Variants in BUD23 observed in about 807,000 individuals in gnomAD.
BUD23 encodes 18S rRNA (guanine-N(7))-methyltransferase.
BUD23 carries 34 observed loss-of-function variants against 47.0 expected under a neutral mutation model. That is an observed-to-expected ratio of 0.72 (90% confidence interval 0.55 to 0.96). The LOEUF (loss-of-function observed/expected upper bound fraction) is 0.96. BUD23 is among the 40% of genes least tolerant of loss of function. The pLI is 0.00. For synonymous variants in BUD23, 124 were observed against 132.0 expected, an observed-to-expected ratio of 0.94 and a Z score of 0.41; for missense variants, 343 against 361.2, an observed-to-expected ratio of 0.95 and a Z score of 0.41.
chr7:73,697,251 C>G, intron 10 of BUD23: 1 of 591,540 alleles, frequency 1.7e-6, no homozygotes, highest in Non-Finnish European at 3.0e-6. Flanking sequence ...CGACTGTGCT[C>G]TTGAAGTCTA....
chr7:73,692,933 G>GGC, intron 7 of BUD23: 1 of 549,916 alleles, frequency 1.8e-6, no homozygotes, highest in East Asian at 2.9e-5. Context: ...AGGGTGAGAG[G>GGC]GCACCGACAG....
chr7:73,690,071 C>T (rs1798132542), intron 5 of BUD23, among the ~76,000 whole-genome samples: 1 of 152,038 alleles, frequency 6.6e-6, no homozygotes. Flanking sequence ...TACAGTGGCA[C>T]AAGGCTTACT....
chr7:73,694,237 T>G, intron 10 of BUD23, 187 bp downstream of exon 10: 1 of 597,246 alleles, frequency 1.7e-6, no homozygotes. Flanking sequence ...GGGTCCTGGA[T>G]GTCTGGGTGC....
At chr7:73,683,889 G>T in intron 2 of BUD23, 85 bp downstream of exon 2, 3 of 1,612,360 alleles carry the variant, frequency 1.9e-6, no homozygotes, top group Non-Finnish European at 2.5e-6. Context: ...CGGAAAGGCC[G>T]TAGAATTTGG....
At chr7:73,687,900 G>GTT (rs1177909328) in intron 5 of BUD23, among the ~76,000 whole-genome samples, 10 of 142,460 alleles carry the variant, frequency 7.0e-5, no homozygotes, top group East Asian at 2.1e-4. Flanking sequence ...CGTGGTTGTT[G>GTT]TTTTTTTTTT....
intron 5 of BUD23, among the ~76,000 whole-genome samples, chr7:73,689,952 G>T (rs1394294755): frequency 6.6e-6 from 1 of 152,142 alleles, no homozygotes. Flanking sequence ...GGCTCTGTGT[G>T]TGTACAGCAG....
intron 6 of BUD23, among the ~76,000 whole-genome samples, chr7:73,691,503 C>G (rs1287363463): frequency 3.3e-5 from 5 of 152,124 alleles, no homozygotes; most frequent in African/African-American, 9.7e-5. Context: ...GCAAAGAGAG[C>G]CTTTATTAGC....
Position 73,683,754 on chromosome 7 carries a change from C to T in BUD23, c.49-13C>T, listed in dbSNP as rs1797818512. On this transcript the variant is annotated splice_polypyrimidine_tract_variant and intron_variant, in intron 1 of 11. Coordinates refer to ENST00000265758, the MANE Select transcript of BUD23 (RefSeq NM_017528.5). ...GAATTATTCCTCTACATGCCATTTT[C>T]TCTTTTTCGCAGTTTTATGACGAGA... 3 of 1,614,112 alleles carry T rather than the reference C, an allele frequency of 1.9e-6. No homozygotes were observed. Among genetic ancestry groups the T allele is most frequent in the African/African-American group, 2.7e-5 (2 of 74,940 alleles).
chr7:73,693,206 A>G (rs1798259294), intron 7 of BUD23, 123 bp from the exon 8 acceptor site: 1 of 896,528 alleles, frequency 1.1e-6, no homozygotes, highest in African/African-American at 1.7e-5. Context: ...GCTTACAGCG[A>G]CCTTAAGTTC....
rs1554613921 is a variant in BUD23 at position 73,690,949 on chromosome 7, C to T, written c.396C>T (p.Asn132=). 6.2e-7 allele frequency: 1 copy of T among 1,614,202 alleles called. No homozygotes were observed. The highest frequency in any genetic ancestry group is 1.7e-5 in the Admixed American group (1 of 60,026). Residue 132 remains asparagine (N), a synonymous_variant, in exon 6 of 12, where the codon AAC becomes AAT. Transcript: ENST00000265758. The part of the protein sequence containing the change: ...ISAVQWLCNA[N]KKSENPAKRL... Reference sequence around the variant, plus strand: ...CTGTGCAGTGGCTCTGTAATGCTAACAAGAAGTCTGAAAACCCTGCCAAGC... The same window carrying T: ...CTGTGCAGTGGCTCTGTAATGCTAATAAGAAGTCTGAAAACCCTGCCAAGC...
intron 2 of BUD23, among the ~76,000 whole-genome samples, chr7:73,686,304 C>G (rs1797964610): frequency 6.6e-6 from 1 of 152,300 alleles, no homozygotes; most frequent in African/African-American, 2.4e-5. Flanking sequence ...AGTGCTAGAG[C>G]AGCCCAGCCT....
chr7:73,689,758 T>G (rs556600081), intron 5 of BUD23, among the ~76,000 whole-genome samples: 1 of 152,238 alleles, frequency 6.6e-6, no homozygotes, highest in East Asian at 1.9e-4. Context: ...AAGTTTGGGC[T>G]TGATGGAGTA....
intron 10 of BUD23, 32 bp from the exon 11 acceptor site, chr7:73,697,573 T>TC: frequency 3.1e-6 from 5 of 1,613,202 alleles, no homozygotes; most frequent in Non-Finnish European, 4.2e-6. Flanking sequence ...CCATCAGCTG[T>TC]CCATCAGCTC....
rs1308068785 is a variant in BUD23 at position 73,690,948 on chromosome 7, A to G, written c.395A>G (p.Asn132Ser). The change falls in exon 6 of 12, where the codon AAC (asparagine) becomes AGC (serine). Residue 132 changes from asparagine to serine, a missense_variant. By Grantham distance (46) the Asn-to-Ser change is conservative. Coordinates refer to ENST00000265758, the MANE Select transcript of BUD23 (RefSeq NM_017528.5). ...ISAVQWLCNA[N>S]KKSENPAKRL... ...GCTGTGCAGTGGCTCTGTAATGCTA[A>G]CAAGAAGTCTGAAAACCCTGCCAAG... The G allele has an allele frequency of 6.2e-7, 1 of 1,614,164 alleles. No homozygotes were observed. Among genetic ancestry groups the G allele is most frequent in the Admixed American group, 1.7e-5 (1 of 60,022 alleles).
At chr7:73,688,179 A>G (rs1209974834) in intron 5 of BUD23, among the ~76,000 whole-genome samples, 2 of 152,162 alleles carry the variant, frequency 1.3e-5, no homozygotes, top group African/African-American at 2.4e-5. Context: ...TACAGGCGTG[A>G]GCCACCGCGC....
At chr7:73,691,846 T>C (rs1457426018) in intron 6 of BUD23, among the ~76,000 whole-genome samples, 25 of 152,232 alleles carry the variant, frequency 1.6e-4, no homozygotes, top group Non-Finnish European at 3.4e-4. Context: ...TTCAAGCAAT[T>C]GTCTGGCATC....
At chr7:73,695,236 GCCA>G (rs1798355597) in intron 10 of BUD23, 1 of 151,116 alleles carries the variant, frequency 6.6e-6, no homozygotes, top group East Asian at 1.9e-4. Context: ...ACTGATGTGA[GCCA>G]CCATGCCTGG....
At chr7:73,693,784 A>G (rs1798287072) in intron 9 of BUD23, 115 bp downstream of exon 9, 4 of 1,446,222 alleles carry the variant, frequency 2.8e-6, no homozygotes, top group South Asian at 1.1e-5. Context: ...CCAGCCCCAG[A>G]GTGCAGACCC....
At chr7:73,688,469 T>G (rs2116680111) in intron 5 of BUD23, among the ~76,000 whole-genome samples, 1 of 152,324 alleles carries the variant, frequency 6.6e-6, no homozygotes, top group East Asian at 1.9e-4. Flanking sequence ...GGTCTTTTAG[T>G]CTCTAGCGGC....
Sources: gnomAD v4.1 joint callset for allele counts (sites outside exome capture counted in the v4.1 genomes callset) on GRCh38, gnomAD v4.1.1 for gene constraint, MANE v1.5 for transcripts, NCBI Gene and HGNC (gene_info 2026-07-23, HGNC 2026-07-21) for gene names.